KCNK13: variants seen among roughly 807,000 people sequenced by gnomAD.
The protein encoded by KCNK13 is potassium channel subfamily K member 13.
KCNK13 carries 12 observed loss-of-function variants against 23.4 expected under a neutral mutation model. That is an observed-to-expected ratio of 0.51 (90% CI 0.33 to 0.83). The LOEUF (loss-of-function observed/expected upper bound fraction) is 0.83, where lower values mean the gene tolerates loss of function less well. Ranked by LOEUF, KCNK13 falls within the 40% of genes least tolerant of loss-of-function variation. KCNK13 has a pLI of 0.02. For missense variants in KCNK13, 463 were observed against 556.3 expected (o/e 0.83, Z 1.69); for synonymous variants, 231 against 229.5 (o/e 1.01, Z -0.06).
chr14:90,162,506 T>C (rs1337435247), intron 1 of KCNK13, among the ~76,000 whole-genome samples: 1 of 152,240 alleles, frequency 6.6e-6, no homozygotes, highest in Non-Finnish European at 1.5e-5. Flanking sequence ...TGAGGAAAAC[T>C]GGGTAAAGTA....
At chr14:90,101,691 G>A (rs1889478947) in intron 1 of KCNK13, among the ~76,000 whole-genome samples, 1 of 147,268 alleles carries the variant, frequency 6.8e-6, no homozygotes, top group African/African-American at 2.5e-5. Flanking sequence ...TCGGGAGGCT[G>A]AGGCAGGAGA....
rs773566824 is a variant in KCNK13 at position 90,084,806 on chromosome 14, G to A, written c.334+22267G>A. Among the ~76,000 whole-genome samples, 8 of 152,110 alleles carry A rather than the reference G, an allele frequency of 5.3e-5. No individual in the cohort carries two copies. In the South Asian group the frequency reaches 1.5e-3, roughly 28 times the overall value. On this transcript the variant is annotated intron_variant, in intron 1 of 1. Coordinates refer to ENST00000282146, the MANE Select transcript of KCNK13 (RefSeq NM_022054.4). ...GAAAGATCCCTTCTATTTCTAGTGT[G>A]TTGAATGTTTTTATCACAAAGAGCT...
chr14:90,071,018 A>C (rs543767628), intron 1 of KCNK13, among the ~76,000 whole-genome samples: 1 of 152,324 alleles, frequency 6.6e-6, no homozygotes, highest in East Asian at 1.9e-4. Context: ...GTTGTAGGAC[A>C]CAGCCCTCAC....
chr14:90,173,060 A>T (rs1024355594), intron 1 of KCNK13, among the ~76,000 whole-genome samples: 2 of 152,206 alleles, frequency 1.3e-5, no homozygotes, highest in African/African-American at 4.8e-5. Flanking sequence ...TGGCCAAAAT[A>T]AGTGAGCAGG....
At chr14:90,071,052 T>C (rs1889068624) in intron 1 of KCNK13, among the ~76,000 whole-genome samples, 1 of 152,216 alleles carries the variant, frequency 6.6e-6, no homozygotes, top group African/African-American at 2.4e-5. Context: ...GCATTTAGTA[T>C]TCATATATGC....
chr14:90,179,526 C>A (rs907289789), intron 1 of KCNK13, among the ~76,000 whole-genome samples: 3 of 152,030 alleles, frequency 2.0e-5, no homozygotes, highest in African/African-American at 7.3e-5. Context: ...CCAGAATCTG[C>A]CCCAGAAATT....
At chr14:90,141,836 G>A (rs1176975781) in intron 1 of KCNK13, among the ~76,000 whole-genome samples, 1 of 146,868 alleles carries the variant, frequency 6.8e-6, no homozygotes, top group Non-Finnish European at 1.5e-5. Flanking sequence ...CAGGTGGAGT[G>A]CAGTGGCGCA....
intron 1 of KCNK13, among the ~76,000 whole-genome samples, chr14:90,099,984 G>A (rs1421498469): frequency 2.0e-5 from 3 of 152,136 alleles, no homozygotes; most frequent in Admixed American, 6.5e-5. Context: ...ACGCAGCTCT[G>A]GACTCTTCTG....
chr14:90,161,718 G>A (rs1446572664), intron 1 of KCNK13, among the ~76,000 whole-genome samples: 1 of 152,136 alleles, frequency 6.6e-6, no homozygotes, highest in Non-Finnish European at 1.5e-5. Flanking sequence ...TAAATGTAAG[G>A]CAACCCTAAT....
intron 1 of KCNK13, chr14:90,108,040 T>C (rs746044315): frequency 1.6e-6 from 1 of 632,488 alleles, no homozygotes; most frequent in Non-Finnish European, 3.0e-6. Flanking sequence ...AAGAGCTGGA[T>C]GGCATTGCAT....
intron 1 of KCNK13, among the ~76,000 whole-genome samples, chr14:90,076,955 G>C (rs1050717639): frequency 6.6e-6 from 1 of 152,064 alleles, no homozygotes. Context: ...GAGTAGCTGG[G>C]ACTACAGGCA....
chr14:90,173,501 A>G (rs1890388415), intron 1 of KCNK13, among the ~76,000 whole-genome samples: 1 of 152,216 alleles, frequency 6.6e-6, no homozygotes, highest in Non-Finnish European at 1.5e-5. Context: ...TCCAAGAGAA[A>G]TATGTACATA....
At chr14:90,115,579 A>G (rs1350992673) in intron 1 of KCNK13, among the ~76,000 whole-genome samples, 1 of 152,236 alleles carries the variant, frequency 6.6e-6, no homozygotes, top group Non-Finnish European at 1.5e-5. Context: ...CAAATATTTC[A>G]GGCTTGCCGA....
At chr14:90,071,232 G>A (rs1048644776) in intron 1 of KCNK13, among the ~76,000 whole-genome samples, 2 of 152,150 alleles carry the variant, frequency 1.3e-5, no homozygotes, top group African/African-American at 4.8e-5. Context: ...TGGGCTCCTT[G>A]GGGTCCTGTC....
At chr14:90,096,145 G>T (rs1889407710) in intron 1 of KCNK13, among the ~76,000 whole-genome samples, 1 of 152,092 alleles carries the variant, frequency 6.6e-6, no homozygotes, top group Non-Finnish European at 1.5e-5. Context: ...TGTCCTTTGG[G>T]GTTTTTATAG....
chr14:90,181,457 A>G (rs1339556283), intron 1 of KCNK13, among the ~76,000 whole-genome samples: 14 of 152,012 alleles, frequency 9.2e-5, no homozygotes, highest in Non-Finnish European at 5.9e-5. Context: ...AAGAGCACTA[A>G]TCCCATTCAT....
At chr14:90,149,621 T>C (rs963156208) in intron 1 of KCNK13, among the ~76,000 whole-genome samples, 6 of 152,030 alleles carry the variant, frequency 3.9e-5, no homozygotes, top group African/African-American at 1.4e-4. Context: ...GGGATTATGG[T>C]AGTTACAATT....
intron 1 of KCNK13, among the ~76,000 whole-genome samples, chr14:90,141,800 G>GGGC (rs1034225381): frequency 8.1e-5 from 12 of 148,650 alleles, no homozygotes; most frequent in Admixed American, 6.1e-4. Context: ...TTTTTGGGGG[G>GGGC]GGGGACGGAG....
intron 1 of KCNK13, among the ~76,000 whole-genome samples, chr14:90,157,265 A>G (rs1049946495): frequency 1.3e-5 from 2 of 152,242 alleles, no homozygotes; most frequent in African/African-American, 4.8e-5. Context: ...TAACCAGAAT[A>G]TTAATTGAAC....
Sources: allele counts gnomAD v4.1 joint callset (sites outside exome capture counted in the v4.1 genomes callset), GRCh38; gene constraint gnomAD v4.1.1; transcripts MANE v1.5; gene names NCBI Gene and HGNC (gene_info 2026-07-23, HGNC 2026-07-21).